ANO1: variants seen among roughly 807,000 people sequenced by gnomAD.
ANO1 encodes the protein anoctamin 1, also known as anoctamin-1.
Under a neutral mutation model 124.0 loss-of-function variants are expected in ANO1, and 59 were observed. That is an observed-to-expected ratio of 0.48 (90% CI 0.39 to 0.59). The LOEUF is 0.59. ANO1 is among the 20% of genes least tolerant of loss of function. The pLI, the probability that ANO1 is intolerant of heterozygous loss-of-function variation, is 0.00. For synonymous variants in ANO1, 529 were observed against 532.0 expected, an observed-to-expected ratio of 0.99 and a Z score of 0.08; for missense variants, 1,059 against 1,328.0, an observed-to-expected ratio of 0.80 and a Z score of 3.15.
At chr11:70,035,342 A>G (rs970119107) in intron 1 of ANO1, among the ~76,000 whole-genome samples, 9 of 152,206 alleles carry the variant, frequency 5.9e-5, no homozygotes, top group African/African-American at 2.2e-4. Flanking sequence ...GAAGGGGCCA[A>G]GCCCTGCGCT....
chr11:70,103,882 C>T (rs2045379553), intron 3 of ANO1, 117 bp from the exon 4 acceptor site: 1 of 1,165,272 alleles, frequency 8.6e-7, no homozygotes, highest in Non-Finnish European at 1.2e-6. Flanking sequence ...AGGTGCTCTG[C>T]TCTCAGGACG....
intron 1 of ANO1, among the ~76,000 whole-genome samples, chr11:70,068,832 T>TG (rs1221805868): frequency 3.9e-5 from 6 of 152,082 alleles, no homozygotes; most frequent in Non-Finnish European, 5.9e-5. Flanking sequence ...CCCCTCTGTT[T>TG]GGTCCCCAAG....
At chr11:69,976,031 C>T in the ANO1 span, among the ~76,000 whole-genome samples, 1 of 152,168 alleles carries the variant, frequency 6.6e-6, no homozygotes, top group Non-Finnish European at 1.5e-5. Context: ...CCCCACCATG[C>T]TCTGGGCCTT....
chr11:70,172,072 A>C (rs1257176929), intron 22 of ANO1, among the ~76,000 whole-genome samples: 1 of 149,942 alleles, frequency 6.7e-6, no homozygotes. Context: ...GTGAGACGTG[A>C]TCATGCCACT....
chr11:70,137,564 C>T (rs2046997731), intron 11 of ANO1, among the ~76,000 whole-genome samples: 1 of 145,968 alleles, frequency 6.9e-6, no homozygotes, highest in South Asian at 2.4e-4. Context: ...GGTGCCCCAG[C>T]TCCAGGCTGG....
chr11:70,143,521 G>A (rs1057305840), intron 11 of ANO1, among the ~76,000 whole-genome samples: 8 of 152,126 alleles, frequency 5.3e-5, no homozygotes, highest in East Asian at 1.9e-4. Flanking sequence ...CGGAGGGGTC[G>A]GTACTTCCAG....
intron 2 of ANO1, among the ~76,000 whole-genome samples, chr11:70,092,884 C>T (rs2044687449): frequency 6.6e-6 from 1 of 152,146 alleles, no homozygotes; most frequent in African/African-American, 2.4e-5. Context: ...ACAGGGCGGC[C>T]TTCAAAGTGG....
chr11:70,017,494 A>ATTTC, intron 1 of ANO1, among the ~76,000 whole-genome samples: 1 of 77,588 alleles, frequency 1.3e-5, no homozygotes, highest in African/African-American at 5.1e-5. Flanking sequence ...TTCCTCCTTT[A>ATTTC]CTTCCCTCCC....
chr11:70,003,797 AC>A (rs1183692898), intron 1 of ANO1, among the ~76,000 whole-genome samples: 1 of 152,192 alleles, frequency 6.6e-6, no homozygotes, highest in African/African-American at 2.4e-5. Flanking sequence ...GTGGATAAAG[AC>A]TGTTTCACAT....
chr11:69,972,064 AAT>A, the ANO1 span, among the ~76,000 whole-genome samples: 1 of 150,098 alleles, frequency 6.7e-6, no homozygotes, highest in Non-Finnish European at 1.5e-5. Flanking sequence ...CTACTAAAAA[AAT>A]AAATAAATAA....
intron 2 of ANO1, 64 bp from the exon 3 acceptor site, chr11:70,103,002 C>A: frequency 1.7e-6 from 2 of 1,187,656 alleles, no homozygotes; most frequent in Non-Finnish European, 1.2e-6. Flanking sequence ...CTCTGAAGAT[C>A]AAGGTGGTTT....
chr11:70,032,151 C>G (rs1591046574), intron 1 of ANO1, among the ~76,000 whole-genome samples: 2 of 152,106 alleles, frequency 1.3e-5, no homozygotes, highest in Admixed American at 6.5e-5. Flanking sequence ...CAACTGTGGT[C>G]TGTGCTGTGA....
intron 2 of ANO1, among the ~76,000 whole-genome samples, chr11:70,093,249 C>G (rs2044707859): frequency 6.8e-6 from 1 of 147,536 alleles, no homozygotes; most frequent in Non-Finnish European, 1.5e-5. Context: ...TTCACTCTAC[C>G]CCCTCTCACT....
chr11:70,010,877 A>G (rs1304717124), intron 1 of ANO1, among the ~76,000 whole-genome samples: 9 of 152,172 alleles, frequency 5.9e-5, no homozygotes, highest in South Asian at 2.1e-4. Context: ...TCTGTTGTCC[A>G]TAAGACTTAC....
At chr11:70,105,967 C>T (rs553250844) in intron 5 of ANO1, among the ~76,000 whole-genome samples, 179 bp downstream of exon 5, 1 of 152,208 alleles carries the variant, frequency 6.6e-6, no homozygotes, top group South Asian at 2.1e-4. Context: ...GGTCGTGCCC[C>T]AGGCAGGGGC....
intron 1 of ANO1, among the ~76,000 whole-genome samples, chr11:70,004,330 C>T (rs11236297): frequency 0.79 from 120,166 of 152,218 alleles, 47,755 homozygotes; most frequent in East Asian, 1. Context: ...AAAGATACAG[C>T]TATTAGAAAT....
chr11:70,017,262 C>T (rs368863364), intron 1 of ANO1, among the ~76,000 whole-genome samples: 4 of 152,290 alleles, frequency 2.6e-5, no homozygotes, highest in African/African-American at 7.2e-5. Context: ...TTTTCCCCTA[C>T]CCCAACGGAA....
chr11:70,145,471 C>T (rs535371520), intron 11 of ANO1, among the ~76,000 whole-genome samples: 11 of 152,112 alleles, frequency 7.2e-5, no homozygotes, highest in Non-Finnish European at 1.5e-4. Context: ...ATTTTTTAAA[C>T]GTGTCTGAGC....
At chr11:70,002,052 G>A (rs2375281) in intron 1 of ANO1, among the ~76,000 whole-genome samples, 74,011 of 151,880 alleles carry the variant, frequency 0.49, 19,290 homozygotes, top group East Asian at 0.89. Context: ...GTCCCAAACC[G>A]TCCCATAAGA....
Sources: gnomAD v4.1 joint callset for allele counts (sites outside exome capture counted in the v4.1 genomes callset) on GRCh38, gnomAD v4.1.1 for gene constraint, MANE v1.5 for transcripts, NCBI Gene and HGNC (gene_info 2026-07-23, HGNC 2026-07-21) for gene names.